CDK14: variants seen among roughly 807,000 people sequenced by gnomAD.
The protein encoded by CDK14 is cyclin-dependent kinase 14.
A neutral mutation model predicts 60.7 loss-of-function variants in CDK14; 34 were observed. The observed-to-expected ratio is 0.56, with a 90% CI of 0.43 to 0.75. CDK14 has a LOEUF of 0.75. Among genes scored for constraint, CDK14 ranks in the 30% least tolerant of loss-of-function variants. The pLI is 0.00. For missense variants in CDK14, 482 were observed against 564.1 expected, an observed-to-expected ratio of 0.85 and a Z score of 1.47; for synonymous variants, 197 against 203.7, an observed-to-expected ratio of 0.97 and a Z score of 0.28.
intron 10 of CDK14, among the ~76,000 whole-genome samples, chr7:91,013,180 T>G (rs1796209887): frequency 6.6e-6 from 1 of 152,334 alleles, no homozygotes; most frequent in South Asian, 2.1e-4. Flanking sequence ...CCCAAATTTC[T>G]TTTTCCTTTG....
intron 10 of CDK14, among the ~76,000 whole-genome samples, chr7:91,010,899 G>T (rs1271423435): frequency 7.8e-6 from 1 of 127,626 alleles, no homozygotes; most frequent in Non-Finnish European, 1.6e-5. Context: ...CCTTATACTG[G>T]CTAGAACCTC....
intron 11 of CDK14, among the ~76,000 whole-genome samples, chr7:91,072,601 G>C (rs1281213690): frequency 6.6e-6 from 1 of 152,088 alleles, no homozygotes; most frequent in Non-Finnish European, 1.5e-5. Flanking sequence ...AAACCCAAAA[G>C]GCCAGAGTGC....
At chr7:90,979,589 T>C (rs1040119891) in intron 9 of CDK14, 3 of 152,160 alleles carry the variant, frequency 2.0e-5, no homozygotes, top group Non-Finnish European at 4.4e-5. Context: ...TTCCCAAAAT[T>C]AACAACAGTC....
Position 91,118,118 on chromosome 7 carries a change from A to G in CDK14, c.1348A>G (p.Ser450Gly), listed in dbSNP as rs778310021. The G allele has an allele frequency of 5.0e-6, 8 of 1,613,648 alleles. No homozygotes were observed. In the African/African-American group the frequency reaches 1.1e-4, roughly 22 times the overall value. ...NVRLQPEAGE[S>G]MRAFGKNNSY... ...GAGATTGCAACCAGAAGCTGGAGAA[A>G]GCATGCGGGCCTTTGGGAAAAACAA... The change falls in exon 14 of 15, where the codon AGC becomes GGC. Residue 450 changes from serine to glycine, a missense_variant. Physicochemically the swap from Ser to Gly is moderately conservative, Grantham distance 56. Coordinates refer to ENST00000380050, the MANE Select transcript of CDK14 (RefSeq NM_001287135.2).
intron 8 of CDK14, among the ~76,000 whole-genome samples, chr7:90,949,158 TTATA>T (rs780712597): frequency 6.6e-6 from 1 of 152,124 alleles, no homozygotes; most frequent in Non-Finnish European, 1.5e-5. Flanking sequence ...TATTTAAAAA[TTATA>T]TATATGTGTG....
intron 9 of CDK14, among the ~76,000 whole-genome samples, chr7:90,957,451 C>T (rs898790711): frequency 3.3e-5 from 5 of 152,016 alleles, no homozygotes; most frequent in Non-Finnish European, 7.4e-5. Context: ...ATCTAGAAAA[C>T]CCCATTGTCT....
chr7:90,832,313 A>G (rs7786646), intron 5 of CDK14, among the ~76,000 whole-genome samples: 14,367 of 152,158 alleles, frequency 0.094, 764 homozygotes, highest in South Asian at 0.11. Flanking sequence ...AATCTTCTGT[A>G]GGAGTAGAAG....
At chr7:90,712,162 T>G (rs1000963846) in intron 2 of CDK14, among the ~76,000 whole-genome samples, 2 of 152,004 alleles carry the variant, frequency 1.3e-5, no homozygotes, top group African/African-American at 4.8e-5. Flanking sequence ...ATCTTGCCAT[T>G]ATTACCATTT....
chr7:90,717,356 A>G (rs1802284682), intron 2 of CDK14, among the ~76,000 whole-genome samples: 1 of 152,122 alleles, frequency 6.6e-6, no homozygotes, highest in African/African-American at 2.4e-5. Flanking sequence ...AATATTCCAT[A>G]ATAGAATTAG....
intron 12 of CDK14, among the ~76,000 whole-genome samples, chr7:91,080,578 C>A (rs900115408): frequency 2.6e-5 from 4 of 152,186 alleles, no homozygotes; most frequent in African/African-American, 7.2e-5. Context: ...GTGCATGCTC[C>A]TCTTCTCTGC....
chr7:90,669,353 C>A (rs1039196078), intron 2 of CDK14, among the ~76,000 whole-genome samples: 1 of 152,162 alleles, frequency 6.6e-6, no homozygotes, highest in Non-Finnish European at 1.5e-5. Context: ...AAACTCCCTA[C>A]CCACAGTTTA....
chr7:90,925,997 A>C (rs1330205686), intron 8 of CDK14, among the ~76,000 whole-genome samples: 2 of 152,206 alleles, frequency 1.3e-5, no homozygotes, highest in African/African-American at 2.4e-5. Flanking sequence ...CTCATCTGAA[A>C]AATATATATA....
At chr7:90,993,664 G>A (rs1427547946) in intron 10 of CDK14, among the ~76,000 whole-genome samples, 1 of 152,182 alleles carries the variant, frequency 6.6e-6, no homozygotes, top group Admixed American at 6.5e-5. Context: ...GGCAGATGTT[G>A]AGGGAATGGA....
chr7:90,711,597 C>T (rs1464488810), intron 2 of CDK14, among the ~76,000 whole-genome samples: 2 of 152,000 alleles, frequency 1.3e-5, no homozygotes, highest in East Asian at 3.9e-4. Context: ...TCTCATTCTG[C>T]AAATATTGAT....
At chr7:91,103,757 TCTAAGA>T (rs1280741066) in intron 12 of CDK14, among the ~76,000 whole-genome samples, 2 of 152,162 alleles carry the variant, frequency 1.3e-5, no homozygotes, top group Non-Finnish European at 2.9e-5. Flanking sequence ...ATATTCATGG[TCTAAGA>T]CTGTTTTTCA....
intron 2 of CDK14, among the ~76,000 whole-genome samples, chr7:90,624,876 G>A (rs575584196): frequency 1.3e-5 from 2 of 152,268 alleles, no homozygotes; most frequent in Admixed American, 1.3e-4. Context: ...TCATAAACCT[G>A]TAGTCAGTCA....
rs138548726 is a variant in CDK14 at position 90,645,481 on chromosome 7, GA to G, written c.123+41236del. Among the ~76,000 whole-genome samples, 875 of 152,114 alleles carry G rather than the reference GA, an allele frequency of 5.8e-3. 7 individuals are homozygous for G. The highest frequency in any genetic ancestry group is 0.018 in the African/African-American group (760 of 41,498). The stretch of plus-strand genomic sequence containing the variant: ...TCTACACATTTGCCAGGCTTGAATT[GA>G]AAACATTTGAGCATCTGAGTGAAGG... On this transcript the variant is annotated intron_variant, in intron 2 of 14. Coordinates refer to ENST00000380050, the MANE Select transcript of CDK14 (RefSeq NM_001287135.2).
intron 11 of CDK14, among the ~76,000 whole-genome samples, chr7:91,065,748 T>C (rs1000918987): frequency 2.0e-5 from 3 of 152,252 alleles, no homozygotes; most frequent in Non-Finnish European, 4.4e-5. Flanking sequence ...TGTGACCTTG[T>C]ATGTTTGCTG....
intron 4 of CDK14, among the ~76,000 whole-genome samples, chr7:90,758,121 T>C (rs1211590392): frequency 6.6e-6 from 1 of 152,234 alleles, no homozygotes; most frequent in Non-Finnish European, 1.5e-5. Context: ...CCTGTTCACA[T>C]CAACATACAA....
Sources: gnomAD v4.1 joint callset for allele counts (sites outside exome capture counted in the v4.1 genomes callset) on GRCh38, gnomAD v4.1.1 for gene constraint, MANE v1.5 for transcripts, NCBI Gene and HGNC (gene_info 2026-07-23, HGNC 2026-07-21) for gene names.